The following ZNF480 variants were observed in gnomAD, a reference collection of about 807,000 sequenced individuals.
The protein encoded by ZNF480 is zinc finger protein 480.
Under a neutral mutation model 14.4 loss-of-function variants are expected in ZNF480, and 15 were observed. The ratio of observed to expected loss-of-function variants is 1.04; its 90% CI spans 0.70 to 1.60. The LOEUF (loss-of-function observed/expected upper bound fraction) is 1.60, where lower values mean the gene tolerates loss of function less well. ZNF480 is among the 40% of genes most tolerant of loss of function. The probability of loss-of-function intolerance (pLI) is 0.00; values close to 1 mark genes in which losing one functional copy is unlikely to be tolerated. For missense variants in ZNF480, 593 were observed against 629.7 expected (o/e 0.94, Z 0.62); for synonymous variants, 218 against 215.5 (o/e 1.01, Z -0.10).
At position 52,323,807 on chromosome 19, in the gene ZNF480, A is replaced by T. The variant is rs532369065; in HGVS notation, c.*949A>T. ...TTACACATTGAGGGAACATACTTCA[A>T]TAAGAACCATCTATGCTGGACTCAC... On this transcript the variant is annotated 3_prime_UTR_variant, in exon 5 of 5. Transcript: ENST00000595962. 2.0e-5 allele frequency: 3 copies of T among 152,204 alleles called. No homozygotes were observed. Among genetic ancestry groups the T allele is most frequent in the Admixed American group, 6.5e-5 (1 of 15,272 alleles). The allele number at this position is 152,204 out of a possible 1,614,324, so 9.4% of individuals were successfully genotyped here.
intron 2 of ZNF480, among the ~76,000 whole-genome samples, chr19:52,308,966 C>T (rs1204993270): frequency 6.6e-6 from 1 of 152,130 alleles, no homozygotes; most frequent in African/African-American, 2.4e-5. Flanking sequence ...GTCTATGTGA[C>T]ATGTAAATAA....
chr19:52,308,681 G>A (rs1374819790), intron 2 of ZNF480: 1 of 152,036 alleles, frequency 6.6e-6, no homozygotes, highest in African/African-American at 2.4e-5. Context: ...GTTCAGGGAG[G>A]ACGTTCTCTC....
chr19:52,321,929 G>A lies in ZNF480; in HGVS notation c.679G>A (p.Val227Ile). The change falls in exon 5 of 5, where the codon GTA becomes ATA. Residue 227 changes from valine to isoleucine, a missense_variant. Coordinates refer to ENST00000595962, the MANE Select transcript of ZNF480 (RefSeq NM_144684.4). ...TACTAAACATCAAGTAATCCATACT[G>A]TAGAGAAACCTTACAAATGTAATTC... ...SLTKHQVIHT[V>I]EKPYKCNSCG... 6.2e-7 allele frequency: 1 copy of A among 1,614,122 alleles called. No individual in the cohort carries two copies. The highest frequency in any genetic ancestry group is 8.5e-7 in the Non-Finnish European group (1 of 1,180,008).
Position 52,325,176 on chromosome 19 carries a change from A to G in ZNF480, c.*2318A>G, listed in dbSNP as rs1984036411. On this transcript the variant is annotated 3_prime_UTR_variant, in exon 5 of 5. Coordinates refer to ENST00000595962, the MANE Select transcript of ZNF480 (RefSeq NM_144684.4). ...TATGAAAAAAATGGTTAATATCGCTAATCATTAAGGAAATGCAATCAAAGC... is the reference window on the plus strand; with the variant it reads ...TATGAAAAAAATGGTTAATATCGCTGATCATTAAGGAAATGCAATCAAAGC... The G allele has an allele frequency of 6.6e-6, 1 of 152,236 alleles. No individual in the cohort carries two copies. The highest frequency in any genetic ancestry group is 1.5e-5 in the Non-Finnish European group (1 of 68,038). The allele number at this position is 152,236 out of a possible 1,614,324, so 9.4% of individuals were successfully genotyped here.
chr19:52,305,979 C>T (rs1982909551), intron 2 of ZNF480, among the ~76,000 whole-genome samples: 1 of 152,124 alleles, frequency 6.6e-6, no homozygotes, highest in African/African-American at 2.4e-5. Context: ...TTTCTACATT[C>T]TTTTTCAATA....
In ZNF480 at chr19:52,299,973, C is replaced by T. The variant is rs567169326; in HGVS notation, c.-19-421C>T. Among the ~76,000 whole-genome samples, 11 of 152,352 alleles carry T rather than the reference C, an allele frequency of 7.2e-5. No individual in the cohort carries two copies. The East Asian group carries it at 1.9e-3, about 27-fold the overall frequency. On this transcript the variant is annotated intron_variant, in intron 1 of 4. Transcript: ENST00000595962. Reference sequence around the variant, plus strand: ...CCAATGGGGGTCTTGGGACATCTTCCCCATGGATACGGGGATTCCAGTGTG... The same window carrying T: ...CCAATGGGGGTCTTGGGACATCTTCTCCATGGATACGGGGATTCCAGTGTG...
At chr19:52,310,712 T>C (rs1380481678) in intron 2 of ZNF480, among the ~76,000 whole-genome samples, 8 of 152,022 alleles carry the variant, frequency 5.3e-5, no homozygotes, top group Admixed American at 3.3e-4. Context: ...TTAAGATGTA[T>C]ACTGCTAGCC....
intron 2 of ZNF480, among the ~76,000 whole-genome samples, chr19:52,304,322 A>G (rs184560344): frequency 3.1e-4 from 47 of 152,332 alleles, no homozygotes; most frequent in South Asian, 6.2e-4. Flanking sequence ...CCTGGCTGCA[A>G]TGTCCCCATA....
At position 52,325,855 on chromosome 19, in the gene ZNF480, C is replaced by G. The variant is rs1984076888; in HGVS notation, c.*2997C>G. 1 of 152,186 alleles carries G rather than the reference C, an allele frequency of 6.6e-6. No homozygotes were observed. Among genetic ancestry groups the G allele is most frequent in the Non-Finnish European group, 1.5e-5 (1 of 68,042 alleles). 9.4% of individuals were successfully genotyped at this position (152,186 alleles called of 1,614,324 possible). A position where few individuals can be genotyped will look rare whatever the true frequency, so the allele number is the denominator to read the frequency against. ...ACAAAATTAACTGTACACCAAACTC[C>G]TGCAACATGCAGTTGACCCATGTAC... On this transcript the variant is annotated 3_prime_UTR_variant, in exon 5 of 5. Coordinates refer to ENST00000595962, the MANE Select transcript of ZNF480 (RefSeq NM_144684.4).
intron 4 of ZNF480, among the ~76,000 whole-genome samples, chr19:52,316,915 TTGTC>T (rs1438665136): frequency 5.9e-5 from 9 of 152,228 alleles, no homozygotes; most frequent in Admixed American, 1.3e-4. Context: ...ATTCTTCTAT[TTGTC>T]TGTACCACAG....
At position 52,325,012 on chromosome 19, in the gene ZNF480, CTG is replaced by C. The variant is rs1007192756; in HGVS notation, c.*2155_*2156del. On this transcript the variant is annotated 3_prime_UTR_variant, in exon 5 of 5. Transcript: ENST00000595962. ...CAGAATGGGAGAAAATGTTTACAAA[CTG>C]CATCTGACAAAGATCTAATCCAGAA... 9 of 152,210 alleles carry C rather than the reference CTG, an allele frequency of 5.9e-5. No homozygotes were observed. The highest frequency in any genetic ancestry group is 5.9e-4 in the Admixed American group (9 of 15,262). 9.4% of individuals were successfully genotyped at this position (152,210 alleles called of 1,614,324 possible). A position where few individuals can be genotyped will look rare whatever the true frequency, so the allele number is the denominator to read the frequency against.
chr19:52,303,242 A>G lies in ZNF480; in HGVS notation c.72+2758A>G, dbSNP rs1175597795. ...TGTTACTAGACCCATCTGTAAAAAC[A>G]TTTTCAGCACTTTTAATTGGTTTAA... is the stretch of plus-strand genomic sequence containing the variant. On this transcript the variant is annotated intron_variant, in intron 2 of 4. Transcript: ENST00000595962. 2.0e-5 allele frequency among the ~76,000 whole-genome samples: 3 copies of G among 152,186 alleles called. No homozygotes were observed. In the East Asian group the frequency reaches 5.8e-4, roughly 29 times the overall value.
At chr19:52,300,302 C>T (rs1003784804) in intron 1 of ZNF480, 92 bp from the exon 2 acceptor site, 26 of 1,357,664 alleles carry the variant, frequency 1.9e-5, no homozygotes, top group East Asian at 1.4e-4. Flanking sequence ...GACATCTTTC[C>T]GCAGGGTGAG....
Position 52,325,785 on chromosome 19 carries a change from A to G in ZNF480, c.*2927A>G, listed in dbSNP as rs973896277. 6.6e-5 allele frequency: 10 copies of G among 152,232 alleles called. No homozygotes were observed. Among genetic ancestry groups the G allele is most frequent in the African/African-American group, 2.4e-4 (10 of 41,468 alleles). 9.4% of individuals were successfully genotyped at this position (152,232 alleles called of 1,614,324 possible). Reference sequence around the variant, plus strand: ...ATGGGTGGAGGTTGGGAAGAGGATGAAGATTGAATAACTGCCTGTTGGGTA... The same window carrying G: ...ATGGGTGGAGGTTGGGAAGAGGATGGAGATTGAATAACTGCCTGTTGGGTA... On this transcript the variant is annotated 3_prime_UTR_variant, in exon 5 of 5. Coordinates refer to ENST00000595962, the MANE Select transcript of ZNF480 (RefSeq NM_144684.4).
intron 4 of ZNF480, among the ~76,000 whole-genome samples, chr19:52,316,380 C>G (rs1452688576): frequency 6.6e-6 from 1 of 152,078 alleles, no homozygotes. Context: ...TCACCTGCAC[C>G]ATGCCTGGCT....
rs1414854378 is a variant in ZNF480, at chr19:52,322,206, A to C, written c.956A>C (p.Glu319Ala). 2 of 1,614,116 alleles carry C rather than the reference A, an allele frequency of 1.2e-6. No homozygotes were observed. Among genetic ancestry groups the C allele is most frequent in the Admixed American group, 3.3e-5 (2 of 60,018 alleles). ...HAEEKPYKCN[E>A]CGKGFSHKSS... ...GAAGAGAAACCTTACAAATGTAATGAATGTGGTAAAGGCTTCAGTCATAAG... is the reference window on the plus strand; with the variant it reads ...GAAGAGAAACCTTACAAATGTAATGCATGTGGTAAAGGCTTCAGTCATAAG... Residue 319 changes from glutamate to alanine, a missense_variant, in exon 5 of 5, where the codon GAA becomes GCA. Coordinates refer to ENST00000595962, the MANE Select transcript of ZNF480 (RefSeq NM_144684.4).
chr19:52,315,689 C>A, intron 3 of ZNF480, 145 bp from the exon 4 acceptor site: 1 of 906,298 alleles, frequency 1.1e-6, no homozygotes, highest in Non-Finnish European at 1.6e-6. Flanking sequence ...ATAATATTCC[C>A]TAAGCATTCA....
At chr19:52,314,011 A>G (rs1983421034) in intron 2 of ZNF480, 142 bp from the exon 3 acceptor site, 2 of 938,122 alleles carry the variant, frequency 2.1e-6, no homozygotes, top group South Asian at 3.1e-5. Flanking sequence ...TTACAGACAC[A>G]TAACTACATC....
chr19:52,316,714 C>T (rs764628239), intron 4 of ZNF480, among the ~76,000 whole-genome samples: 8 of 152,080 alleles, frequency 5.3e-5, no homozygotes, highest in Non-Finnish European at 1.2e-4. Context: ...CTAATTCCCC[C>T]GACAATTTCA....
Sources: allele counts gnomAD v4.1 joint callset (sites outside exome capture counted in the v4.1 genomes callset), GRCh38; gene constraint gnomAD v4.1.1; transcripts MANE v1.5; gene names NCBI Gene and HGNC (gene_info 2026-07-23, HGNC 2026-07-21).